Variants in PGLS observed in about 807,000 individuals in gnomAD.
The protein encoded by PGLS is epididymis secretory protein Li 304.
PGLS carries 21 observed loss-of-function variants against 23.2 expected under a neutral mutation model. That is an observed-to-expected ratio of 0.91 (90% CI 0.64 to 1.31). The LOEUF is 1.31. PGLS is among the 50% of genes most tolerant of loss of function. The pLI is 0.00. For missense variants in PGLS, 410 were observed against 354.0 expected (o/e 1.16, Z -1.27); for synonymous variants, 179 against 165.4 (o/e 1.08, Z -0.63).
rs1482139146 is a variant in PGLS, at chr19:17,511,657, C to T, written c.-16C>T. On this transcript the variant is annotated 5_prime_UTR_variant, in exon 1 of 5. Coordinates refer to ENST00000252603, the MANE Select transcript of PGLS (RefSeq NM_012088.3). ...GCCGTAGGGAGCGCTTCCTCCTCCC[C>T]GCCGCCGCCCTCGCCATGGCCGCGC... The T allele has an allele frequency of 9.5e-6, 14 of 1,466,304 alleles. No homozygotes were observed. The East Asian group carries it at 2.8e-4, about 30-fold the overall frequency. 90.8% of individuals were successfully genotyped at this position (1,466,304 alleles called of 1,614,324 possible). A position where few individuals can be genotyped will look rare whatever the true frequency, so the allele number is the denominator to read the frequency against.
At position 17,521,165 on chromosome 19, in the gene PGLS, C is replaced by G; in HGVS notation, c.*84C>G. On this transcript the variant is annotated 3_prime_UTR_variant, in exon 5 of 5. Coordinates refer to ENST00000252603, the MANE Select transcript of PGLS (RefSeq NM_012088.3). ...GCTGGCCGCCACTCTCCGGGCTCTC[C>G]TTTCAAAAAGCCACGTCGTGCTGCT... The G allele has an allele frequency of 7.2e-7, 1 of 1,390,774 alleles. No individual in the cohort carries two copies. Among genetic ancestry groups the G allele is most frequent in the Non-Finnish European group, 9.5e-7 (1 of 1,048,376 alleles). 86.2% of individuals were successfully genotyped at this position (1,390,774 alleles called of 1,614,324 possible). A position where few individuals can be genotyped will look rare whatever the true frequency, so the allele number is the denominator to read the frequency against.
Position 17,521,056 on chromosome 19 carries a change from C to G in PGLS, c.752C>G (p.Pro251Arg). 3 of 1,602,582 alleles carry G rather than the reference C, an allele frequency of 1.9e-6. No individual in the cohort carries two copies. The highest frequency in any genetic ancestry group is 2.6e-6 in the Non-Finnish European group (3 of 1,173,806). The change falls in exon 5 of 5, where the codon CCC (proline) becomes CGC (arginine). Residue 251 changes from proline to arginine, a missense_variant. Transcript: ENST00000252603. ...DEAAARLLTVPFEKHSTL is the reference protein window; with the variant it reads ...DEAAARLLTVRFEKHSTL ...GCGGCCGCCCGCCTCCTGACCGTGC[C>G]CTTCGAGAAGCATTCCACTTTGTAG...
chr19:17,511,751 G>C lies in PGLS; in HGVS notation c.79G>C (p.Ala27Pro). The C allele has an allele frequency of 6.7e-7, 1 of 1,500,678 alleles. No homozygotes were observed. Among genetic ancestry groups the C allele is most frequent in the Non-Finnish European group, 8.8e-7 (1 of 1,132,504 alleles). The allele number at this position is 1,500,678 out of a possible 1,614,324, so 93.0% of individuals were successfully genotyped here. ...GGGTGCGGCGCTAGCGCAGCTGGTG[G>C]CCCAGCGCGCAGCATGCTGCCTGGC... The part of the protein sequence containing the change: ...ELGAALAQLV[A>P]QRAACCLAGA... The change falls in exon 1 of 5, where the codon GCC (alanine) becomes CCC (proline). Residue 27 changes from alanine to proline, a missense_variant. Coordinates refer to ENST00000252603, the MANE Select transcript of PGLS (RefSeq NM_012088.3).
chr19:17,512,242 T>A, intron 1 of PGLS: 2 of 457,678 alleles, frequency 4.4e-6, no homozygotes, highest in Non-Finnish European at 7.8e-6. Context: ...GCCCACTGCC[T>A]GCACCTCGAC....
Position 17,512,158 on chromosome 19 carries a change from T to C in PGLS, c.288+198T>C, listed in dbSNP as rs534297348. 1.0e-4 allele frequency: 58 copies of C among 580,318 alleles called. 1 individual carries two copies. In the African/African-American group the frequency reaches 1.2e-3, roughly 12 times the overall value. The allele number at this position is 580,318 out of a possible 1,614,324, so 35.9% of individuals were successfully genotyped here. ...CCTCGGCTACGTGGGTCGCTGGGGGTCATGCCAAGAGGGCCGCGCCCACCG... is the reference window on the plus strand; with the variant it reads ...CCTCGGCTACGTGGGTCGCTGGGGGCCATGCCAAGAGGGCCGCGCCCACCG... On this transcript the variant is annotated intron_variant, in intron 1 of 4. Transcript: ENST00000252603.
At chr19:17,517,187 C>A in intron 2 of PGLS, 101 bp from the exon 3 acceptor site, 2 of 760,032 alleles carry the variant, frequency 2.6e-6, no homozygotes, top group Non-Finnish European at 4.6e-6. Context: ...CCAGCCACAG[C>A]TACTTGTATT....
Position 17,521,183 on chromosome 19 carries a change from G to GTGC in PGLS, c.*111_*113dup. 7.9e-7 allele frequency: 1 copy of GTGC among 1,263,022 alleles called. No homozygotes were observed. Among genetic ancestry groups the GTGC allele is most frequent in the South Asian group, 1.6e-5 (1 of 62,862 alleles). 78.2% of individuals were successfully genotyped at this position (1,263,022 alleles called of 1,614,324 possible). A position where few individuals can be genotyped will look rare whatever the true frequency, so the allele number is the denominator to read the frequency against. Reference sequence around the variant, plus strand: ...GGCTCTCCTTTCAAAAAGCCACGTCGTGCTGCTGCTGGAAGCCAACAGCCT... The same window carrying GTGC: ...GGCTCTCCTTTCAAAAAGCCACGTCGTGCTGCTGCTGCTGGAAGCCAACAGCCT... On this transcript the variant is annotated 3_prime_UTR_variant, in exon 5 of 5. Transcript: ENST00000252603.
At position 17,511,924 on chromosome 19, in the gene PGLS, C is replaced by T. The variant is rs1456045982; in HGVS notation, c.252C>T (p.Pro84=). ...TLGFCDERLV[P]FDHAESTYGL... ...GCTTCTGCGACGAGCGCCTCGTGCCCTTCGATCACGCCGAGAGCACGTACG... is the reference window on the plus strand; with the variant it reads ...GCTTCTGCGACGAGCGCCTCGTGCCTTTCGATCACGCCGAGAGCACGTACG... Residue 84 remains proline (P), a synonymous_variant, in exon 1 of 5, where the codon CCC becomes CCT. Transcript: ENST00000252603. The T allele has an allele frequency of 3.9e-6, 6 of 1,548,762 alleles. No individual in the cohort carries two copies. The highest frequency in any genetic ancestry group is 2.4e-5 in the South Asian group (2 of 84,176).
chr19:17,515,801 A>G (rs1164639838), intron 1 of PGLS: 3 of 208,486 alleles, frequency 1.4e-5, no homozygotes, highest in Non-Finnish European at 3.1e-5. Context: ...CCCCCCAAAT[A>G]CAACGGAATT....
At chr19:17,516,334 C>A in intron 2 of PGLS, 54 bp downstream of exon 2, 1 of 1,575,110 alleles carries the variant, frequency 6.3e-7, no homozygotes, top group South Asian at 1.1e-5. Flanking sequence ...CGGCCACACC[C>A]CGGGCAACAG....
rs373064727 is a variant in PGLS at position 17,512,231 on chromosome 19, C to T, written c.288+271C>T. On this transcript the variant is annotated intron_variant, in intron 1 of 4. Coordinates refer to ENST00000252603, the MANE Select transcript of PGLS (RefSeq NM_012088.3). ...ACTGGGGGTCATGCCGAGATGGTCA[C>T]GCCCACTGCCTGCACCTCGACTACG... The T allele has an allele frequency of 3.6e-4, 170 of 472,668 alleles. 1 individual carries two copies. Among genetic ancestry groups the T allele is most frequent in the African/African-American group, 2.2e-3 (107 of 47,758 alleles). 29.3% of individuals were successfully genotyped at this position (472,668 alleles called of 1,614,324 possible). A position where few individuals can be genotyped will look rare whatever the true frequency, so the allele number is the denominator to read the frequency against.
At chr19:17,517,135 G>A (rs764211216) in intron 2 of PGLS, among the ~76,000 whole-genome samples, 153 bp from the exon 3 acceptor site, 34 of 151,990 alleles carry the variant, frequency 2.2e-4, no homozygotes, top group Non-Finnish European at 3.8e-4. Flanking sequence ...CACCTACCTC[G>A]GCCTCCCAAA....
intron 4 of PGLS, 144 bp from the exon 5 acceptor site, chr19:17,520,800 T>A: frequency 1.4e-6 from 1 of 715,312 alleles, no homozygotes; most frequent in Non-Finnish European, 2.1e-6. Flanking sequence ...TCCCTGCTGT[T>A]TGGCACTAGG....
At position 17,514,584 on chromosome 19, in the gene PGLS, C is replaced by T. The variant is rs143003032; in HGVS notation, c.289-1589C>T. On this transcript the variant is annotated intron_variant, in intron 1 of 4. Transcript: ENST00000252603. Reference sequence around the variant, plus strand: ...GTGGCTTACTGCAGCCTTCAGCTCCCGGGCTCTATCAATCCCCCTGCCTCA... The same window carrying T: ...GTGGCTTACTGCAGCCTTCAGCTCCTGGGCTCTATCAATCCCCCTGCCTCA... 8.5e-3 allele frequency among the ~76,000 whole-genome samples: 1,296 copies of T among 151,790 alleles called. 13 individuals carry two copies. The highest frequency in any genetic ancestry group is 0.029 in the African/African-American group (1,180 of 41,372).
chr19:17,516,070 T>G, intron 1 of PGLS, 103 bp from the exon 2 acceptor site: 1 of 833,756 alleles, frequency 1.2e-6, no homozygotes, highest in Middle Eastern at 2.3e-4. Context: ...TGCCTCAGTC[T>G]CCCCATCTGT....
At position 17,512,043 on chromosome 19, in the gene PGLS, G is replaced by A. The variant is rs369295318; in HGVS notation, c.288+83G>A. ...ACCCCGGCTACGGAGGCCGCCGGGG[G>A]CCATGCCGAAAGGGCCGCGCCCACT... On this transcript the variant is annotated intron_variant, in intron 1 of 4. Coordinates refer to ENST00000252603, the MANE Select transcript of PGLS (RefSeq NM_012088.3). 94 of 1,390,122 alleles carry A rather than the reference G, an allele frequency of 6.8e-5. No homozygotes were observed. The African/African-American group carries it at 1.3e-3, about 19-fold the overall frequency. The allele number at this position is 1,390,122 out of a possible 1,614,324, so 86.1% of individuals were successfully genotyped here. A position where few individuals can be genotyped will look rare whatever the true frequency, so the allele number is the denominator to read the frequency against.
intron 2 of PGLS, 107 bp downstream of exon 2, chr19:17,516,387 C>T: frequency 1.3e-6 from 2 of 1,486,354 alleles, no homozygotes; most frequent in Admixed American, 2.1e-5. Context: ...CCCCAGGGAT[C>T]ACTGGCAGAT....
intron 1 of PGLS, among the ~76,000 whole-genome samples, chr19:17,514,390 T>G (rs2075523344): frequency 6.6e-6 from 1 of 152,102 alleles, no homozygotes; most frequent in Non-Finnish European, 1.5e-5. Flanking sequence ...TCTTAACTAA[T>G]TACATCTGCA....
intron 4 of PGLS, 45 bp from the exon 5 acceptor site, chr19:17,520,899 G>T (rs754935558): frequency 2.0e-6 from 3 of 1,516,170 alleles, no homozygotes; most frequent in Non-Finnish European, 1.8e-6. Context: ...GAGGGGCGGT[G>T]CCTGGGCCGC....
Sources: allele counts gnomAD v4.1 joint callset (sites outside exome capture counted in the v4.1 genomes callset), GRCh38; gene constraint gnomAD v4.1.1; transcripts MANE v1.5; gene names NCBI Gene and HGNC (gene_info 2026-07-23, HGNC 2026-07-21).